The following DNAJC7 variants were observed in gnomAD, a reference collection of about 807,000 sequenced individuals.
DNAJC7 encodes dnaJ homolog subfamily C member 7.
A neutral mutation model predicts 67.4 loss-of-function variants in DNAJC7; 18 were observed. That is an observed-to-expected ratio of 0.27 (90% CI 0.18 to 0.40). The LOEUF (loss-of-function observed/expected upper bound fraction) is 0.40, where lower values mean the gene tolerates loss of function less well. Ranked by LOEUF, DNAJC7 falls within the 10% of genes least tolerant of loss-of-function variation. The pLI is 1.00. For synonymous variants in DNAJC7, 220 were observed against 207.8 expected (o/e 1.06, Z -0.50); for missense variants, 419 against 613.8 (o/e 0.68, Z 3.35).
At position 42,017,216 on chromosome 17, in the gene DNAJC7, G is replaced by A. The variant is rs950668043; in HGVS notation, c.77+124C>T. On this transcript the variant is annotated intron_variant, in intron 1 of 13. Transcript: ENST00000457167. ...GGTCCATCCGGCCTTGATCTCAGATGGGGGGGTGTTTGCGGAGGGCGGGGC... is the reference window on the plus strand; with the variant it reads ...GGTCCATCCGGCCTTGATCTCAGATAGGGGGGTGTTTGCGGAGGGCGGGGC... 9.4e-6 allele frequency: 15 copies of A among 1,591,168 alleles called. 1 individual carries two copies. The highest frequency in any genetic ancestry group is 1.2e-5 in the Non-Finnish European group (14 of 1,175,148).
chr17:41,994,965 T>C (rs756332056), intron 4 of DNAJC7, 21 bp from the exon 5 acceptor site: 6 of 1,605,250 alleles, frequency 3.7e-6, no homozygotes, highest in South Asian at 2.2e-5. Context: ...AAATCAGACA[T>C]AGGAAAGTTT....
At position 41,977,333 on chromosome 17, in the gene DNAJC7, A is replaced by G. The variant is rs2143075553; in HGVS notation, c.1385-10T>C. On this transcript the variant is annotated splice_polypyrimidine_tract_variant and intron_variant, in intron 12 of 13. Coordinates refer to ENST00000457167, the MANE Select transcript of DNAJC7 (RefSeq NM_003315.4). Reference sequence around the variant, plus strand: ...TTGTTTGGATCAAAATCTGTAGAGCAGGGCAAGTAACATGGAAGGGAAGAA... The same window carrying G: ...TTGTTTGGATCAAAATCTGTAGAGCGGGGCAAGTAACATGGAAGGGAAGAA... The G allele has an allele frequency of 6.4e-7, 1 of 1,574,352 alleles. No homozygotes were observed.
At chr17:42,007,837 CCTTT>C (rs1186663045) in intron 1 of DNAJC7, among the ~76,000 whole-genome samples, 1 of 98,710 alleles carries the variant, frequency 1.0e-5, no homozygotes, top group East Asian at 3.1e-4. Flanking sequence ...GAAAAAACTG[CCTTT>C]TTTTTTTTTT....
intron 3 of DNAJC7, 59 bp from the exon 4 acceptor site, chr17:41,996,483 A>G: frequency 1.4e-6 from 2 of 1,480,632 alleles, no homozygotes; most frequent in East Asian, 4.6e-5. Flanking sequence ...AAAGAAATCA[A>G]CAGCAGCAAC....
At chr17:41,998,013 C>T (rs1027052834) in intron 2 of DNAJC7, among the ~76,000 whole-genome samples, 1 of 152,178 alleles carries the variant, frequency 6.6e-6, no homozygotes, top group East Asian at 1.9e-4. Context: ...CAGGCACACG[C>T]CACCACATCC....
At chr17:42,016,885 T>C in intron 1 of DNAJC7, 1 of 964,344 alleles carries the variant, frequency 1.0e-6, no homozygotes, top group Non-Finnish European at 1.3e-6. Flanking sequence ...TAGTGATCGC[T>C]GGGGTATAAT....
intron 6 of DNAJC7, 138 bp from the exon 7 acceptor site, chr17:41,989,695 G>A (rs569047053): frequency 5.3e-6 from 6 of 1,124,892 alleles, no homozygotes; most frequent in African/African-American, 3.1e-5. Flanking sequence ...CCCAAGAACT[G>A]TTCCCAAACT....
At chr17:42,009,070 A>G (rs567330633) in intron 1 of DNAJC7, among the ~76,000 whole-genome samples, 2 of 152,320 alleles carry the variant, frequency 1.3e-5, no homozygotes, top group Admixed American at 1.3e-4. Flanking sequence ...TCGGTGCTTC[A>G]TCCAGAAAAA....
At position 41,976,552 on chromosome 17, in the gene DNAJC7, G is replaced by A. The variant is rs1167661737; in HGVS notation, c.*181C>T. 4.6e-6 allele frequency: 3 copies of A among 647,178 alleles called. No homozygotes were observed. Among genetic ancestry groups the A allele is most frequent in the East Asian group, 3.5e-5 (1 of 28,230 alleles). The allele number at this position is 647,178 out of a possible 1,614,324, so 40.1% of individuals were successfully genotyped here. A position where few individuals can be genotyped will look rare whatever the true frequency, so the allele number is the denominator to read the frequency against. ...ACCCCCGCCTCCCTCCCCTGCCCTCGGTCTTCGGCATTGGTTCCCTTTGCT... is the reference window on the plus strand; with the variant it reads ...ACCCCCGCCTCCCTCCCCTGCCCTCAGTCTTCGGCATTGGTTCCCTTTGCT... On this transcript the variant is annotated 3_prime_UTR_variant, in exon 14 of 14. Coordinates refer to ENST00000457167, the MANE Select transcript of DNAJC7 (RefSeq NM_003315.4).
intron 7 of DNAJC7, among the ~76,000 whole-genome samples, chr17:41,989,169 A>C (rs1369840517): frequency 1.3e-5 from 2 of 152,254 alleles, no homozygotes; most frequent in Non-Finnish European, 1.5e-5. Flanking sequence ...CTGAGGGGAA[A>C]AACAAAACAA....
intron 1 of DNAJC7, chr17:42,013,970 T>C (rs2052191508): frequency 6.6e-6 from 1 of 151,990 alleles, no homozygotes; most frequent in Admixed American, 6.6e-5. Flanking sequence ...ATTTTTTTTT[T>C]CTATTTTTAG....
intron 2 of DNAJC7, among the ~76,000 whole-genome samples, chr17:41,998,966 G>A (rs1229008719): frequency 1.3e-5 from 2 of 151,954 alleles, no homozygotes; most frequent in African/African-American, 4.8e-5. Context: ...TAGGAGGATC[G>A]CTTGAGCCCA....
intron 13 of DNAJC7, 187 bp downstream of exon 13, chr17:41,977,074 G>A: frequency 2.9e-6 from 2 of 692,336 alleles, no homozygotes; most frequent in Non-Finnish European, 4.8e-6. Flanking sequence ...AAGGTCCCAA[G>A]GCAAGGGGTG....
chr17:41,982,671 C>T (rs1384138657), intron 10 of DNAJC7, among the ~76,000 whole-genome samples: 2 of 152,138 alleles, frequency 1.3e-5, no homozygotes, highest in Non-Finnish European at 2.9e-5. Flanking sequence ...GCTTCTATTT[C>T]GGTAGCACGA....
At chr17:41,986,046 T>TGAAA in intron 9 of DNAJC7, 2 of 12,798 alleles carry the variant, frequency 1.6e-4, no homozygotes, top group Non-Finnish European at 2.8e-4. Context: ...GGGGGCTTGC[T>TGAAA]TAAAAAAAAA....
intron 7 of DNAJC7, 87 bp from the exon 8 acceptor site, chr17:41,988,983 C>T: frequency 6.6e-7 from 1 of 1,512,670 alleles, no homozygotes. Flanking sequence ...TTTTCAAGTT[C>T]TTTGCTTCCA....
chr17:41,981,596 C>T, intron 12 of DNAJC7: 1 of 398,526 alleles, frequency 2.5e-6, no homozygotes, highest in Non-Finnish European at 4.4e-6. Flanking sequence ...TCCCAAAGTG[C>T]TGGGATTACA....
intron 1 of DNAJC7, chr17:42,015,206 C>T (rs150059395): frequency 7.2e-4 from 109 of 151,638 alleles, no homozygotes; most frequent in African/African-American, 2.6e-3. Context: ...TTTCAAACTC[C>T]CGACCTCAGC....
Position 42,017,361 on chromosome 17 carries a change from A to C in DNAJC7, c.56T>G (p.Leu19Arg), listed in dbSNP as rs2052333520. The C allele has an allele frequency of 6.2e-7, 1 of 1,611,308 alleles. No homozygotes were observed. Among genetic ancestry groups the C allele is most frequent in the East Asian group, 2.2e-5 (1 of 44,874 alleles). The change falls in exon 1 of 14, where the codon CTC (leucine) becomes CGC (arginine). Residue 19 changes from leucine to arginine, a missense_variant. This residue lies in a region of DNAJC7 where 63 missense variants were observed against 54.0 expected (regional missense o/e 1.17). Coordinates refer to ENST00000457167, the MANE Select transcript of DNAJC7 (RefSeq NM_003315.4). Reference sequence around the variant, plus strand: ...TTACCTCTTCGCCTCTTGGTCGTCGAGCAGCTCCGGCTCGGTCGCCGCCAT... The same window carrying C: ...TTACCTCTTCGCCTCTTGGTCGTCGCGCAGCTCCGGCTCGGTCGCCGCCAT... ...VVMAATEPELLDDQEAKREAE... is the reference protein window; with the variant it reads ...VVMAATEPELRDDQEAKREAE...
Sources: gnomAD v4.1 joint callset for allele counts (sites outside exome capture counted in the v4.1 genomes callset) on GRCh38, gnomAD v4.1.1 for gene constraint, gnomAD v4.1.1 regional missense constraint, MANE v1.5 for transcripts, NCBI Gene and HGNC (gene_info 2026-07-23, HGNC 2026-07-21) for gene names.